The following RAB23 variants were observed in gnomAD, a reference collection of about 807,000 sequenced individuals.
The protein encoded by RAB23 is ras-related protein Rab-23.
RAB23 carries 15 observed loss-of-function variants against 30.0 expected under a neutral mutation model. The ratio of observed to expected loss-of-function variants is 0.50; its 90% CI spans 0.33 to 0.77. The LOEUF (loss-of-function observed/expected upper bound fraction) is 0.77. Ranked by LOEUF, RAB23 falls within the 30% of genes least tolerant of loss-of-function variation. The pLI is 0.02. For synonymous variants in RAB23, 93 were observed against 94.0 expected (o/e 0.99, Z 0.06); for missense variants, 243 against 275.4 (o/e 0.88, Z 0.83).
At chr6:57,191,694 C>T (rs1280287054) in intron 6 of RAB23, among the ~76,000 whole-genome samples, 1 of 152,188 alleles carries the variant, frequency 6.6e-6, no homozygotes, top group Non-Finnish European at 1.5e-5. Flanking sequence ...AGGCAATCCA[C>T]CTGCCTGGGA....
chr6:57,205,236 G>A (rs1421066167), intron 3 of RAB23, among the ~76,000 whole-genome samples: 1 of 151,562 alleles, frequency 6.6e-6, no homozygotes, highest in South Asian at 2.1e-4. Flanking sequence ...ATGTGTGTGT[G>A]TATGTATGTG....
chr6:57,205,535 CAT>C (rs1765428310), intron 3 of RAB23, among the ~76,000 whole-genome samples: 1 of 152,020 alleles, frequency 6.6e-6, no homozygotes, highest in African/African-American at 2.4e-5. Flanking sequence ...GCAAATGCTA[CAT>C]AGAGTGATAA....
At chr6:57,205,117 A>G (rs12175384) in intron 3 of RAB23, among the ~76,000 whole-genome samples, 1 of 149,454 alleles carries the variant, frequency 6.7e-6, no homozygotes, top group African/African-American at 2.5e-5. Flanking sequence ...CACTGTGTGT[A>G]TATATACACA....
chr6:57,198,309 T>C (rs1476911508), intron 3 of RAB23, among the ~76,000 whole-genome samples: 3 of 152,132 alleles, frequency 2.0e-5, no homozygotes, highest in African/African-American at 7.2e-5. Context: ...GGTCAGGAGA[T>C]CGAGACCATC....
rs1186623990 is a variant in RAB23 at position 57,194,822 on chromosome 6, T to C, written c.429A>G (p.Leu143=). 9 of 1,613,524 alleles carry C rather than the reference T, an allele frequency of 5.6e-6. No individual in the cohort carries two copies. Among genetic ancestry groups the C allele is most frequent in the Non-Finnish European group, 7.6e-6 (9 of 1,179,630 alleles). The change falls in exon 5 of 7, where the codon TTA becomes TTG. Residue 143 remains leucine (L), a synonymous_variant. Transcript: ENST00000468148. The part of the protein sequence containing the change: ...NEEAEALAKR[L]KLRFYRTSVK... ...CTGATGTTCTGTAGAATCTTAACTT[T>C]AACCTTTTTGCCAGTGCCTCAGCTT...
At position 57,210,269 on chromosome 6, in the gene RAB23, A is replaced by T; in HGVS notation, c.112T>A (p.Tyr38Asn). 6.2e-7 allele frequency: 1 copy of T among 1,614,110 alleles called. No individual in the cohort carries two copies. The highest frequency in any genetic ancestry group is 8.5e-7 in the Non-Finnish European group (1 of 1,179,946). ...AAATCAACTCCAATGGTTTTCTTGT[A>T]GTCTTTTGTAAAAATGCCTTTGCAA... is the stretch of plus-strand genomic sequence containing the variant. ...RYCKGIFTKD[Y>N]KKTIGVDFLE... Residue 38 changes from tyrosine to asparagine, a missense_variant, in exon 2 of 7, where the codon TAC becomes AAC. Coordinates refer to ENST00000468148, the MANE Select transcript of RAB23 (RefSeq NM_016277.5).
chr6:57,200,775 G>A (rs886336740), intron 3 of RAB23, among the ~76,000 whole-genome samples: 1 of 151,994 alleles, frequency 6.6e-6, no homozygotes, highest in African/African-American at 2.4e-5. Context: ...TGCAATGGGT[G>A]AGAGTGAGAG....
rs1488359848 is a variant in RAB23, at chr6:57,194,773, C to G, written c.478G>C (p.Glu160Gln). The change falls in exon 5 of 7, where the codon GAA becomes CAA. Residue 160 changes from glutamate (E) to glutamine (Q), a missense_variant. Glu to Gln is a conservative substitution (Grantham distance 29). Transcript: ENST00000468148. ...TSVKEDLNVN[E>Q]VFKYLAEKYL... ...ATATCCTTTAAAGGTAATTTACCTTCATTCACATTTAGATCTTCTTTCACT... is the reference window on the plus strand; with the variant it reads ...ATATCCTTTAAAGGTAATTTACCTTGATTCACATTTAGATCTTCTTTCACT... The G allele has an allele frequency of 1.4e-5, 22 of 1,606,622 alleles. No homozygotes were observed. Among genetic ancestry groups the G allele is most frequent in the Non-Finnish European group, 1.9e-5 (22 of 1,174,010 alleles).
intron 6 of RAB23, among the ~76,000 whole-genome samples, chr6:57,191,949 C>T (rs77868641): frequency 0.11 from 16,190 of 151,760 alleles, 1,096 homozygotes; most frequent in Middle Eastern, 0.17. Flanking sequence ...TGGGCTCCAG[C>T]AGTCCTGCCT....
intron 3 of RAB23, among the ~76,000 whole-genome samples, chr6:57,206,791 A>G (rs1765470117): frequency 6.6e-6 from 1 of 152,240 alleles, no homozygotes; most frequent in African/African-American, 2.4e-5. Context: ...AGTTTTAATT[A>G]CAACACGGTG....
rs1302460860 is a variant in RAB23, at chr6:57,220,868, AAATT to A, written c.-66+854_-66+857del. 4.6e-5 allele frequency among the ~76,000 whole-genome samples: 7 copies of A among 152,224 alleles called. No homozygotes were observed. The East Asian group carries it at 1.3e-3, about 29-fold the overall frequency. On this transcript the variant is annotated intron_variant, in intron 1 of 6. Coordinates refer to ENST00000468148, the MANE Select transcript of RAB23 (RefSeq NM_016277.5). ...TTTACCATACACTTTTTAAAATAATAAATTAATTTCCTTAAAATAAATTTAAAGA... is the reference window on the plus strand; with the variant it reads ...TTTACCATACACTTTTTAAAATAATAAATTTCCTTAAAATAAATTTAAAGA...
intron 6 of RAB23, among the ~76,000 whole-genome samples, chr6:57,192,885 A>C (rs747329603): frequency 7.2e-5 from 11 of 152,180 alleles, no homozygotes; most frequent in East Asian, 3.8e-4. Context: ...AGTGAAGAAG[A>C]AAGCAAGCAT....
chr6:57,196,795 A>G (rs1765040719), intron 3 of RAB23, among the ~76,000 whole-genome samples, 189 bp from the exon 4 acceptor site: 1 of 152,192 alleles, frequency 6.6e-6, no homozygotes, highest in Non-Finnish European at 1.5e-5. Context: ...AACTCTATTT[A>G]TGTTGAATTC....
chr6:57,194,378 G>A (rs1034902293), intron 5 of RAB23, among the ~76,000 whole-genome samples: 2 of 151,382 alleles, frequency 1.3e-5, no homozygotes, highest in African/African-American at 4.9e-5. Flanking sequence ...TCTTAAACTA[G>A]GAAATACTAT....
Position 57,190,503 on chromosome 6 carries a change from G to A in RAB23, c.672C>T (p.Thr224=). 1 of 1,613,936 alleles carries A rather than the reference G, an allele frequency of 6.2e-7. No individual in the cohort carries two copies. Among genetic ancestry groups the A allele is most frequent in the Non-Finnish European group, 8.5e-7 (1 of 1,179,922 alleles). ...TGCTAAAAGGATTTCTGTTTTTCTT[G>A]GTCCTTTGTTTGTTGGGTCTAAGAT... is the stretch of plus-strand genomic sequence containing the variant. ...VINLRPNKQR[T]KKNRNPFSSC... is the part of the protein sequence containing the mutation. Residue 224 remains threonine, a synonymous_variant, in exon 7 of 7, where the codon ACC becomes ACT. Coordinates refer to ENST00000468148, the MANE Select transcript of RAB23 (RefSeq NM_016277.5).
At chr6:57,205,502 A>C (rs898267562) in intron 3 of RAB23, among the ~76,000 whole-genome samples, 15 of 152,208 alleles carry the variant, frequency 9.9e-5, no homozygotes, top group African/African-American at 3.6e-4. Context: ...AGTAACTCAT[A>C]ATCTCTTAGG....
Position 57,196,496 on chromosome 6 carries a change from G to T in RAB23, c.352C>A (p.Leu118Ile). 1.2e-6 allele frequency: 2 copies of T among 1,613,924 alleles called. No homozygotes were observed. The highest frequency in any genetic ancestry group is 8.5e-7 in the Non-Finnish European group (1 of 1,179,940). Residue 118 changes from leucine (L) to isoleucine (I), a missense_variant, in exon 4 of 7, where the codon CTT (leucine) becomes ATT (isoleucine). By Grantham distance (5) the Leu-to-Ile change is conservative. Transcript: ENST00000468148. ...AGAAGATCAATCTTGTTTTGCACAA[G>T]TACAGTTGGTATATCTCCCACTTCG... ...VAEVGDIPTV[L>I]VQNKIDLLDD...
intron 3 of RAB23, among the ~76,000 whole-genome samples, chr6:57,201,298 G>A (rs1765244991): frequency 6.6e-6 from 1 of 152,072 alleles, no homozygotes; most frequent in Non-Finnish European, 1.5e-5. Context: ...GGCCAGGCTG[G>A]TCTTGAACTC....
At chr6:57,218,616 C>T (rs1169627213) in intron 1 of RAB23, among the ~76,000 whole-genome samples, 1 of 152,116 alleles carries the variant, frequency 6.6e-6, no homozygotes, top group East Asian at 1.9e-4. Flanking sequence ...CTTTGGGAGG[C>T]CAAGTCAGGC....
Sources: gnomAD v4.1 joint callset for allele counts (sites outside exome capture counted in the v4.1 genomes callset) on GRCh38, gnomAD v4.1.1 for gene constraint, MANE v1.5 for transcripts, NCBI Gene and HGNC (gene_info 2026-07-23, HGNC 2026-07-21) for gene names.